The following ARIH1 variants were observed in gnomAD, a reference collection of about 807,000 sequenced individuals.
ARIH1 encodes the protein E3 ubiquitin-protein ligase ARIH1.
A neutral mutation model predicts 85.0 loss-of-function variants in ARIH1; 8 were observed. The ratio of observed to expected loss-of-function variants is 0.09; its 90% confidence interval spans 0.06 to 0.17. The LOEUF (loss-of-function observed/expected upper bound fraction) is 0.17, where lower values mean the gene tolerates loss of function less well. Among genes scored for constraint, ARIH1 ranks in the 10% least tolerant of loss-of-function variants. The probability of loss-of-function intolerance (pLI) is 1.00; values close to 1 mark genes in which losing one functional copy is unlikely to be tolerated. For synonymous variants in ARIH1, 238 were observed against 253.6 expected, an observed-to-expected ratio of 0.94 and a Z score of 0.59; for missense variants, 311 against 718.1, an observed-to-expected ratio of 0.43 and a Z score of 6.48.
At chr15:72,506,423 A>T (rs1249545581) in intron 1 of ARIH1, among the ~76,000 whole-genome samples, 1 of 150,042 alleles carries the variant, frequency 6.7e-6, no homozygotes, top group Non-Finnish European at 1.5e-5. Flanking sequence ...TGTATTAAGG[A>T]GATTGGATAT....
In ARIH1 at chr15:72,590,164, A is replaced by T. The variant is rs2064336792; in HGVS notation, c.*6872A>T. 6.6e-6 allele frequency: 1 copy of T among 152,158 alleles called. No homozygotes were observed. The highest frequency in any genetic ancestry group is 1.5e-5 in the Non-Finnish European group (1 of 68,064). The allele number at this position is 152,158 out of a possible 1,614,324, so 9.4% of individuals were successfully genotyped here. The stretch of plus-strand genomic sequence containing the variant: ...ACAAAAGGTCTGTTGGTTTGTCTGA[A>T]GCTCTCAACCTTGATTCTGCATAGA... On this transcript the variant is annotated 3_prime_UTR_variant, in exon 14 of 14. Transcript: ENST00000379887.
intron 1 of ARIH1, chr15:72,475,233 C>T (rs2063789776): frequency 9.4e-7 from 1 of 1,068,556 alleles, no homozygotes; most frequent in Non-Finnish European, 1.2e-6. Context: ...GCGGTGCTTC[C>T]CAAGTCCTGC....
intron 3 of ARIH1, among the ~76,000 whole-genome samples, chr15:72,554,408 TAG>T (rs1285610128): frequency 3.3e-5 from 5 of 152,160 alleles, no homozygotes; most frequent in Admixed American, 6.5e-5. Flanking sequence ...TTTTTCCAAA[TAG>T]AGTCTCACTT....
rs537252667 is a variant in ARIH1, at chr15:72,527,516, A to C, written c.443+9382A>C. 2.2e-4 allele frequency among the ~76,000 whole-genome samples: 33 copies of C among 147,296 alleles called. No homozygotes were observed. The East Asian group carries it at 6.5e-3, about 29-fold the overall frequency. Reference sequence around the variant, plus strand: ...TTTACCTTGCTAGCTTTTTTTTTTTATCTCCGTATCCTTATGTCTGTTCTC... The same window carrying C: ...TTTACCTTGCTAGCTTTTTTTTTTTCTCTCCGTATCCTTATGTCTGTTCTC... On this transcript the variant is annotated intron_variant, in intron 2 of 13. Transcript: ENST00000379887.
Position 72,582,005 on chromosome 15 carries a change from C to A in ARIH1, c.1477-70C>A. On this transcript the variant is annotated intron_variant, in intron 12 of 13. Transcript: ENST00000379887. The surrounding 1 kb of genome is among the most constrained non-coding windows in gnomAD (Gnocchi z 4.6). ...AGTGTTGAGAGCAGTCTGTAGTCAA[C>A]AAAACAGTGAAAATGGTTTATCTTT... The A allele has an allele frequency of 2.7e-6, 3 of 1,105,928 alleles. No individual in the cohort carries two copies. Among genetic ancestry groups the A allele is most frequent in the Non-Finnish European group, 4.1e-6 (3 of 738,540 alleles). The allele number at this position is 1,105,928 out of a possible 1,614,324, so 68.5% of individuals were successfully genotyped here.
intron 9 of ARIH1, among the ~76,000 whole-genome samples, chr15:72,568,347 C>T (rs889668174): frequency 6.6e-6 from 1 of 152,108 alleles, no homozygotes; most frequent in African/African-American, 2.4e-5. Flanking sequence ...CTTTAATATG[C>T]TCTGAAAAAC....
chr15:72,596,295 C>A lies in ARIH1; in HGVS notation c.*13003C>A, dbSNP rs1353868546. Reference sequence around the variant, plus strand: ...AAGAAGTTATTTTATTGTACTCAGGCCTCATTTGTTTCTGGTGAGAAGTCA... The same window carrying A: ...AAGAAGTTATTTTATTGTACTCAGGACTCATTTGTTTCTGGTGAGAAGTCA... On this transcript the variant is annotated 3_prime_UTR_variant, in exon 14 of 14. Coordinates refer to ENST00000379887, the MANE Select transcript of ARIH1 (RefSeq NM_005744.5). 1.3e-5 allele frequency: 2 copies of A among 152,232 alleles called. No homozygotes were observed. Among genetic ancestry groups the A allele is most frequent in the African/African-American group, 2.4e-5 (1 of 41,550 alleles). 9.4% of individuals were successfully genotyped at this position (152,232 alleles called of 1,614,324 possible). A position where few individuals can be genotyped will look rare whatever the true frequency, so the allele number is the denominator to read the frequency against.
chr15:72,496,493 A>G (rs1476079457), intron 1 of ARIH1, among the ~76,000 whole-genome samples: 1 of 152,182 alleles, frequency 6.6e-6, no homozygotes, highest in Non-Finnish European at 1.5e-5. Flanking sequence ...AGCAATCTCT[A>G]TTTGAAGAAA....
At chr15:72,564,357 C>G (rs1454102412) in intron 7 of ARIH1, among the ~76,000 whole-genome samples, 1 of 152,160 alleles carries the variant, frequency 6.6e-6, no homozygotes, top group Non-Finnish European at 1.5e-5. Flanking sequence ...CATCTGAGAC[C>G]TCATCATAAT....
intron 1 of ARIH1, chr15:72,475,309 G>C (rs576933416): frequency 4.2e-6 from 2 of 474,756 alleles, no homozygotes; most frequent in Admixed American, 8.8e-5. Context: ...CCCTGGGCCG[G>C]GTGTCCTTTC....
At position 72,590,077 on chromosome 15, in the gene ARIH1, T is replaced by G. The variant is rs2064336207; in HGVS notation, c.*6785T>G. ...CCTGTTAGTAAGTGGTGGAATGAAG[T>G]TACAAACCTAGGTTTTATTGGTCAG... On this transcript the variant is annotated 3_prime_UTR_variant, in exon 14 of 14. Transcript: ENST00000379887. The G allele has an allele frequency of 1.3e-5, 2 of 152,228 alleles. No homozygotes were observed. Among genetic ancestry groups the G allele is most frequent in the South Asian group, 4.1e-4 (2 of 4,828 alleles). The allele number at this position is 152,228 out of a possible 1,614,324, so 9.4% of individuals were successfully genotyped here.
intron 2 of ARIH1, among the ~76,000 whole-genome samples, chr15:72,532,840 A>G (rs2064063691): frequency 6.6e-6 from 1 of 152,264 alleles, no homozygotes; most frequent in Non-Finnish European, 1.5e-5. Context: ...CAAATTGATG[A>G]GAAAAACATT....
At chr15:72,532,523 T>C in intron 2 of ARIH1, among the ~76,000 whole-genome samples, 1 of 152,174 alleles carries the variant, frequency 6.6e-6, no homozygotes, top group Admixed American at 6.5e-5. Context: ...ACTTCAACCT[T>C]ATTCTAAAGA....
chr15:72,490,808 G>C lies in ARIH1; in HGVS notation c.375+15794G>C, dbSNP rs537739444. On this transcript the variant is annotated intron_variant, in intron 1 of 13. Coordinates refer to ENST00000379887, the MANE Select transcript of ARIH1 (RefSeq NM_005744.5). The stretch of plus-strand genomic sequence containing the variant: ...TTAGCCAAACATGTTTTGAGCCTTT[G>C]AGTCCCAGTGACTAAACAATGCAGA... 1.5e-3 allele frequency among the ~76,000 whole-genome samples: 231 copies of C among 152,246 alleles called. 1 individual carries two copies. The Middle Eastern group carries it at 0.031, about 20-fold the overall frequency.
intron 3 of ARIH1, among the ~76,000 whole-genome samples, chr15:72,545,435 T>C (rs1001306618): frequency 3.9e-5 from 6 of 152,224 alleles, no homozygotes; most frequent in Non-Finnish European, 8.8e-5. Context: ...TTGTTAAATA[T>C]GGTATGTGGG....
At chr15:72,506,124 G>A (rs967663916) in intron 1 of ARIH1, among the ~76,000 whole-genome samples, 9 of 151,798 alleles carry the variant, frequency 5.9e-5, no homozygotes, top group African/African-American at 1.2e-4. Context: ...CGAGGCGGGC[G>A]GATCATGAGG....
At chr15:72,479,879 T>C (rs1416989945) in intron 1 of ARIH1, among the ~76,000 whole-genome samples, 2 of 152,094 alleles carry the variant, frequency 1.3e-5, no homozygotes, top group African/African-American at 4.8e-5. Context: ...TTTTTTTTTT[T>C]TCGTTTGAGA....
intron 11 of ARIH1, among the ~76,000 whole-genome samples, chr15:72,573,799 C>G (rs2064258604): frequency 1.3e-5 from 2 of 152,030 alleles, no homozygotes; most frequent in Admixed American, 6.6e-5. Flanking sequence ...CAGTGAAACT[C>G]AAGTAAATGT....
intron 1 of ARIH1, among the ~76,000 whole-genome samples, chr15:72,494,564 G>C (rs540478380): frequency 4.6e-5 from 7 of 152,138 alleles, no homozygotes; most frequent in Non-Finnish European, 7.4e-5. Flanking sequence ...GATTATGAAA[G>C]CTTTTAGCGT....
Sources: allele counts gnomAD v4.1 joint callset (sites outside exome capture counted in the v4.1 genomes callset), GRCh38; gene constraint gnomAD v4.1.1; non-coding constraint Gnocchi (gnomAD v3.1); transcripts MANE v1.5; gene names NCBI Gene and HGNC (gene_info 2026-07-23, HGNC 2026-07-21).